The following CTNND2 variants were observed in gnomAD, a reference collection of about 807,000 sequenced individuals.
CTNND2 encodes catenin delta-2.
A neutral mutation model predicts 144.4 loss-of-function variants in CTNND2; 22 were observed. The ratio of observed to expected loss-of-function variants is 0.15; its 90% CI spans 0.11 to 0.22. The LOEUF (loss-of-function observed/expected upper bound fraction) is 0.22. CTNND2 is among the 10% of genes least tolerant of loss of function. The pLI is 1.00. For missense variants in CTNND2, 1,353 were observed against 1,618.8 expected (o/e 0.84, Z 2.82); for synonymous variants, 751 against 695.6 (o/e 1.08, Z -1.25).
At chr5:11,713,378 A>G (rs1207480339) in intron 2 of CTNND2, among the ~76,000 whole-genome samples, 1 of 152,022 alleles carries the variant, frequency 6.6e-6, no homozygotes, top group East Asian at 1.9e-4. Flanking sequence ...CAGGAGTTTG[A>G]GACCAGCCTG....
intron 3 of CTNND2, among the ~76,000 whole-genome samples, chr5:11,562,192 T>A (rs1275563359): frequency 6.6e-6 from 1 of 152,234 alleles, no homozygotes; most frequent in Non-Finnish European, 1.5e-5. Context: ...TTGATTTTGT[T>A]TCTTTTCTCC....
At chr5:11,886,227 G>A (rs1053781281) in intron 1 of CTNND2, among the ~76,000 whole-genome samples, 5 of 147,624 alleles carry the variant, frequency 3.4e-5, no homozygotes, top group Admixed American at 2.1e-4. Flanking sequence ...AAAAAGTTGA[G>A]TTATTTTCAA....
chr5:11,545,662 C>CAAAAAAA (rs34532125), intron 3 of CTNND2, among the ~76,000 whole-genome samples: 10 of 74,254 alleles, frequency 1.3e-4, no homozygotes, highest in Admixed American at 5.4e-4. Context: ...GACTGTGTCT[C>CAAAAAAA]AAAAAAAAAA....
chr5:11,337,792 A>T (rs1753874650), intron 9 of CTNND2, among the ~76,000 whole-genome samples: 1 of 152,136 alleles, frequency 6.6e-6, no homozygotes, highest in African/African-American at 2.4e-5. Context: ...TTAAGTTCTG[A>T]CTTCTACTGA....
At chr5:11,881,714 T>A (rs1736129500) in intron 1 of CTNND2, among the ~76,000 whole-genome samples, 1 of 152,084 alleles carries the variant, frequency 6.6e-6, no homozygotes, top group East Asian at 1.9e-4. Flanking sequence ...AGAACATAGA[T>A]ACCTCTTGAA....
At chr5:11,286,713 T>C (rs386658) in intron 9 of CTNND2, among the ~76,000 whole-genome samples, 53,909 of 151,988 alleles carry the variant, frequency 0.35, 9,625 homozygotes, top group Middle Eastern at 0.44. Flanking sequence ...CAGGGTGAAA[T>C]AGAAACTGTC....
chr5:11,716,550 T>C (rs1581766027), intron 2 of CTNND2, among the ~76,000 whole-genome samples: 2 of 152,266 alleles, frequency 1.3e-5, no homozygotes, highest in African/African-American at 4.8e-5. Context: ...AAATTTCATT[T>C]ACTTATTTTC....
At chr5:11,002,083 G>C (rs1232922749) in intron 18 of CTNND2, among the ~76,000 whole-genome samples, 2 of 152,180 alleles carry the variant, frequency 1.3e-5, no homozygotes, top group African/African-American at 4.8e-5. Flanking sequence ...TCAGGAAACA[G>C]GATAAAAGGG....
At chr5:11,896,627 CATAATGTAATAT>C (rs1318037826) in intron 1 of CTNND2, among the ~76,000 whole-genome samples, 7 of 151,916 alleles carry the variant, frequency 4.6e-5, no homozygotes, top group Non-Finnish European at 1.0e-4. Context: ...TTTTCTTCTG[CATAATGTAATAT>C]ATATATTAAA....
At chr5:10,999,320 T>G (rs1206861158) in intron 18 of CTNND2, among the ~76,000 whole-genome samples, 2 of 152,216 alleles carry the variant, frequency 1.3e-5, no homozygotes, top group Non-Finnish European at 2.9e-5. Context: ...ATCATTTCAA[T>G]CATTATTTGC....
chr5:11,619,041 TG>T (rs780345635), intron 2 of CTNND2, among the ~76,000 whole-genome samples: 17 of 152,224 alleles, frequency 1.1e-4, no homozygotes, highest in Non-Finnish European at 1.6e-4. Flanking sequence ...ATGTTATTTC[TG>T]AAGTTTTGTG....
At chr5:11,323,882 G>T (rs1176456389) in intron 9 of CTNND2, among the ~76,000 whole-genome samples, 1 of 152,086 alleles carries the variant, frequency 6.6e-6, no homozygotes. Context: ...AAAGAGTGAG[G>T]TCCTAGCCAG....
Position 11,131,682 on chromosome 5 carries a change from G to A in CTNND2, c.2160-14115C>T, listed in dbSNP as rs571680054. Among the ~76,000 whole-genome samples the A allele has an allele frequency of 6.6e-5, 10 of 152,164 alleles. No individual in the cohort carries two copies. In the South Asian group the frequency reaches 1.2e-3, roughly 19 times the overall value. On this transcript the variant is annotated intron_variant, in intron 12 of 21. Coordinates refer to ENST00000304623, the MANE Select transcript of CTNND2 (RefSeq NM_001332.4). ...CGGGCGCCTGTAGTCCCAGCTACTC[G>A]GGAGGCTGAGGCAGGAGAATGGCAT...
chr5:11,577,311 T>C (rs1353836241), intron 2 of CTNND2, among the ~76,000 whole-genome samples: 1 of 152,228 alleles, frequency 6.6e-6, no homozygotes, highest in African/African-American at 2.4e-5. Context: ...GAGCATAAAA[T>C]TAATTCAGGT....
intron 2 of CTNND2, among the ~76,000 whole-genome samples, chr5:11,655,188 A>C (rs1055786815): frequency 6.6e-6 from 1 of 152,052 alleles, no homozygotes. Context: ...TAGATTTAGC[A>C]CTAAATACAG....
chr5:11,550,360 G>A (rs1254186110), intron 3 of CTNND2, among the ~76,000 whole-genome samples: 2 of 152,306 alleles, frequency 1.3e-5, no homozygotes, highest in Admixed American at 6.5e-5. Context: ...CAATACATGA[G>A]TCCAAAAGAC....
chr5:11,805,969 C>G (rs763570617), intron 1 of CTNND2, among the ~76,000 whole-genome samples: 7 of 152,058 alleles, frequency 4.6e-5, no homozygotes. Context: ...ATACACTAAC[C>G]CTATCAGACA....
intron 5 of CTNND2, among the ~76,000 whole-genome samples, chr5:11,400,718 GTT>G (rs1760567042): frequency 6.6e-6 from 1 of 152,128 alleles, no homozygotes; most frequent in Non-Finnish European, 1.5e-5. Flanking sequence ...GTCTCAATAT[GTT>G]TTCACATGTA....
intron 9 of CTNND2, among the ~76,000 whole-genome samples, chr5:11,240,875 C>A (rs939871864): frequency 1.4e-5 from 2 of 146,938 alleles, no homozygotes; most frequent in Non-Finnish European, 3.0e-5. Context: ...CACACACACC[C>A]CAACCCACAC....
Sources: allele counts gnomAD v4.1 joint callset (sites outside exome capture counted in the v4.1 genomes callset), GRCh38; gene constraint gnomAD v4.1.1; transcripts MANE v1.5; gene names NCBI Gene and HGNC (gene_info 2026-07-23, HGNC 2026-07-21).